Variants in FBXL7 observed in about 807,000 individuals in gnomAD.
FBXL7 encodes the protein F-box/LRR-repeat protein 7.
Under a neutral mutation model 38.3 loss-of-function variants are expected in FBXL7, and 12 were observed. That is an observed-to-expected ratio of 0.31 (90% CI 0.20 to 0.51). The LOEUF (loss-of-function observed/expected upper bound fraction) is 0.51. FBXL7 is among the 20% of genes least tolerant of loss of function. The probability of loss-of-function intolerance (pLI) is 0.98; values close to 1 mark genes in which losing one functional copy is unlikely to be tolerated. For synonymous variants in FBXL7, 297 were observed against 300.9 expected (o/e 0.99, Z 0.13); for missense variants, 567 against 676.4 (o/e 0.84, Z 1.79).
chr5:15,644,374 C>T (rs886439795), intron 2 of FBXL7, among the ~76,000 whole-genome samples: 72 of 150,352 alleles, frequency 4.8e-4, no homozygotes, highest in African/African-American at 1.8e-3. Context: ...ACTCAGGAGG[C>T]TGAGGCAGGA....
At chr5:15,855,207 T>TTA (rs1739220754) in intron 2 of FBXL7, among the ~76,000 whole-genome samples, 1 of 152,162 alleles carries the variant, frequency 6.6e-6, no homozygotes, top group Admixed American at 6.6e-5. Context: ...TAAACAAAAT[T>TTA]TTGTGCATTT....
intron 2 of FBXL7, among the ~76,000 whole-genome samples, chr5:15,903,308 A>G (rs1741276874): frequency 6.6e-6 from 1 of 152,190 alleles, no homozygotes; most frequent in South Asian, 2.1e-4. Context: ...GGTTTAGAGT[A>G]AGCACCATGA....
At chr5:15,826,215 G>A (rs1415327986) in intron 2 of FBXL7, among the ~76,000 whole-genome samples, 1 of 152,048 alleles carries the variant, frequency 6.6e-6, no homozygotes, top group Non-Finnish European at 1.5e-5. Flanking sequence ...ACTCCTTACC[G>A]ACAGCTTAAC....
intron 2 of FBXL7, among the ~76,000 whole-genome samples, chr5:15,891,428 CATT>C (rs1740896496): frequency 6.6e-6 from 1 of 152,184 alleles, no homozygotes; most frequent in Admixed American, 6.6e-5. Flanking sequence ...TAATTTTCTA[CATT>C]TTAGAATCCA....
At chr5:15,718,522 G>T (rs1240346800) in intron 2 of FBXL7, among the ~76,000 whole-genome samples, 2 of 152,088 alleles carry the variant, frequency 1.3e-5, no homozygotes, top group Non-Finnish European at 2.9e-5. Flanking sequence ...CCCTTTAAGG[G>T]GTACCTCTGC....
intron 2 of FBXL7, among the ~76,000 whole-genome samples, chr5:15,835,192 C>T (rs928667557): frequency 3.9e-5 from 6 of 152,136 alleles, no homozygotes; most frequent in Non-Finnish European, 8.8e-5. Flanking sequence ...AGGAACTCAG[C>T]ATGAATAACC....
At position 15,544,555 on chromosome 5, in the gene FBXL7, A is replaced by G. The variant is rs181227569; in HGVS notation, c.37+43842A>G. Among the ~76,000 whole-genome samples, 1,169 of 152,164 alleles carry G rather than the reference A, an allele frequency of 7.7e-3. 7 individuals are homozygous for G. Among genetic ancestry groups the G allele is most frequent in the Middle Eastern group, 0.041 (12 of 294 alleles). The stretch of plus-strand genomic sequence containing the variant: ...CACCCATTTTTAGGGTAGCCTGTAC[A>G]TTACACACACACACACACATCCCCC... On this transcript the variant is annotated intron_variant, in intron 1 of 3. Coordinates refer to ENST00000504595, the MANE Select transcript of FBXL7 (RefSeq NM_012304.5).
intron 1 of FBXL7, among the ~76,000 whole-genome samples, chr5:15,506,527 C>T (rs1736654469): frequency 6.6e-6 from 1 of 152,152 alleles, no homozygotes; most frequent in Admixed American, 6.5e-5. Flanking sequence ...TTGTCTTAGA[C>T]AGTTCAAGCT....
intron 2 of FBXL7, among the ~76,000 whole-genome samples, chr5:15,641,941 TTGTGTGTGTG>T (rs199980981): frequency 0.062 from 8,736 of 141,586 alleles, 621 homozygotes; most frequent in East Asian, 0.34. Flanking sequence ...ACATAAAACC[TTGTGTGTGTG>T]TGTGTGTGTG....
At position 15,714,092 on chromosome 5, in the gene FBXL7, G is replaced by A. The variant is rs56742039; in HGVS notation, c.127+98020G>A. Among the ~76,000 whole-genome samples the A allele has an allele frequency of 1.7e-3, 263 of 152,266 alleles. 1 individual carries two copies. Among genetic ancestry groups the A allele is most frequent in the African/African-American group, 6.2e-3 (258 of 41,556 alleles). The stretch of plus-strand genomic sequence containing the variant: ...GAGAATATTCTGGATTGTTTGGGTG[G>A]ACCCAATGTGATATGGTTTGGAAGT... On this transcript the variant is annotated intron_variant, in intron 2 of 3. Coordinates refer to ENST00000504595, the MANE Select transcript of FBXL7 (RefSeq NM_012304.5).
intron 2 of FBXL7, among the ~76,000 whole-genome samples, chr5:15,836,502 A>T (rs1738596049): frequency 1.3e-5 from 2 of 152,294 alleles, no homozygotes; most frequent in East Asian, 3.9e-4. Flanking sequence ...CAGGAAGGTA[A>T]TGTTGGAATA....
intron 2 of FBXL7, among the ~76,000 whole-genome samples, chr5:15,881,485 A>G (rs1740449469): frequency 6.6e-6 from 1 of 152,236 alleles, no homozygotes. Flanking sequence ...TGCTATAAAT[A>G]TGCATGTGCA....
chr5:15,709,283 C>T (rs1400224953), intron 2 of FBXL7, among the ~76,000 whole-genome samples: 1 of 152,102 alleles, frequency 6.6e-6, no homozygotes, highest in Non-Finnish European at 1.5e-5. Context: ...CCTGTAATCC[C>T]AGCACTTTGG....
chr5:15,734,527 C>T (rs985083635), intron 2 of FBXL7, among the ~76,000 whole-genome samples: 1 of 152,168 alleles, frequency 6.6e-6, no homozygotes, highest in Admixed American at 6.5e-5. Flanking sequence ...AAAGATTCTC[C>T]CAAGGCCTGT....
chr5:15,615,920 G>A lies in FBXL7; in HGVS notation c.38-63G>A, dbSNP rs910250768. On this transcript the variant is annotated intron_variant, in intron 1 of 3. Transcript: ENST00000504595. ...GATATGGCTTGCTGTGGGACCGAGT[G>A]GAAGGCATGGTCCAGGTCTGAAATT... The A allele has an allele frequency of 3.7e-6, 4 of 1,075,264 alleles. No individual in the cohort carries two copies. In the African/African-American group the frequency reaches 6.2e-5, roughly 17 times the overall value. 66.6% of individuals were successfully genotyped at this position (1,075,264 alleles called of 1,614,324 possible).
chr5:15,528,320 G>A (rs1319611550), intron 1 of FBXL7, among the ~76,000 whole-genome samples: 5 of 152,146 alleles, frequency 3.3e-5, no homozygotes, highest in Non-Finnish European at 4.4e-5. Context: ...GCCTAGTTTG[G>A]TGGAATCTAG....
intron 2 of FBXL7, among the ~76,000 whole-genome samples, chr5:15,844,201 T>C (rs192483020): frequency 6.6e-6 from 1 of 152,300 alleles, no homozygotes; most frequent in African/African-American, 2.4e-5. Context: ...TTTAATTGCA[T>C]ACAGATTGGC....
intron 2 of FBXL7, among the ~76,000 whole-genome samples, chr5:15,701,932 T>C (rs1473814197): frequency 1.3e-5 from 2 of 152,152 alleles, no homozygotes; most frequent in Non-Finnish European, 2.9e-5. Flanking sequence ...GGAAGACAGC[T>C]AAGTGAATGA....
At chr5:15,750,445 G>C (rs1236246973) in intron 2 of FBXL7, among the ~76,000 whole-genome samples, 1 of 152,120 alleles carries the variant, frequency 6.6e-6, no homozygotes, top group Non-Finnish European at 1.5e-5. Context: ...CTGACCTTGA[G>C]TCTTTGCTAG....
Sources: gnomAD v4.1 joint callset for allele counts (sites outside exome capture counted in the v4.1 genomes callset) on GRCh38, gnomAD v4.1.1 for gene constraint, MANE v1.5 for transcripts, NCBI Gene and HGNC (gene_info 2026-07-23, HGNC 2026-07-21) for gene names.